AGBL3: variants seen among roughly 807,000 people sequenced by gnomAD.
AGBL3 encodes cytosolic carboxypeptidase 3.
Under a neutral mutation model 94.5 loss-of-function variants are expected in AGBL3, and 68 were observed. The ratio of observed to expected loss-of-function variants is 0.72; its 90% CI spans 0.59 to 0.88. The LOEUF is 0.88. AGBL3 is among the 40% of genes least tolerant of loss of function. The pLI is 0.00. For synonymous variants in AGBL3, 354 were observed against 370.7 expected (o/e 0.95, Z 0.52); for missense variants, 934 against 1,103.8 (o/e 0.85, Z 2.18).
intron 15 of AGBL3, chr7:135,094,652 T>G (rs1229814526): frequency 2.6e-6 from 1 of 390,258 alleles, no homozygotes; most frequent in Non-Finnish European, 5.0e-6. Flanking sequence ...AAGGGCCTAC[T>G]CTCTTAGGGT....
At chr7:135,070,949 G>T (rs1226554236) in intron 12 of AGBL3, among the ~76,000 whole-genome samples, 1 of 151,980 alleles carries the variant, frequency 6.6e-6, no homozygotes, top group African/African-American at 2.4e-5. Flanking sequence ...CCTGTTTGCA[G>T]ATGACATGAT....
At chr7:135,126,435 A>G (rs1827879745) in intron 16 of AGBL3, among the ~76,000 whole-genome samples, 2 of 152,254 alleles carry the variant, frequency 1.3e-5, no homozygotes, top group Non-Finnish European at 2.9e-5. Context: ...GATAGGAAGA[A>G]TCAATATCAT....
chr7:135,105,043 T>A (rs1432012237), intron 15 of AGBL3, among the ~76,000 whole-genome samples: 2 of 151,330 alleles, frequency 1.3e-5, no homozygotes, highest in South Asian at 2.1e-4. Context: ...CTTCCAGGGT[T>A]TTTATAGTTT....
intron 3 of AGBL3, among the ~76,000 whole-genome samples, chr7:134,990,053 C>G (rs898072202): frequency 1.3e-5 from 2 of 152,318 alleles, no homozygotes; most frequent in East Asian, 3.9e-4. Context: ...AGATAACTCA[C>G]TCCTTTAACT....
intron 13 of AGBL3, 139 bp downstream of exon 13, chr7:135,076,607 T>C (rs540895434): frequency 4.8e-5 from 30 of 628,346 alleles, no homozygotes; most frequent in African/African-American, 3.9e-4. Flanking sequence ...CTACTGTTTA[T>C]AAAAACACAA....
At chr7:135,128,523 A>C in intron 16 of AGBL3, 2 of 762,856 alleles carry the variant, frequency 2.6e-6, no homozygotes, top group Admixed American at 1.7e-5. Context: ...TTAGAAAAGC[A>C]GTCTGTCCAA....
chr7:135,003,495 G>T (rs1035781151), intron 4 of AGBL3, among the ~76,000 whole-genome samples: 1 of 151,728 alleles, frequency 6.6e-6, no homozygotes, highest in African/African-American at 2.4e-5. Flanking sequence ...TTTCCTAGTT[G>T]TCCTAAAATA....
chr7:135,023,448 C>T (rs1814734284), intron 5 of AGBL3, among the ~76,000 whole-genome samples: 1 of 152,170 alleles, frequency 6.6e-6, no homozygotes, highest in Non-Finnish European at 1.5e-5. Flanking sequence ...GGACAGCCTA[C>T]TTTTGCTGCA....
At chr7:135,077,940 C>T (rs183969370) in intron 13 of AGBL3, among the ~76,000 whole-genome samples, 1 of 152,272 alleles carries the variant, frequency 6.6e-6, no homozygotes, top group East Asian at 1.9e-4. Flanking sequence ...GCCTGACCAT[C>T]ACCTGATGCC....
chr7:135,115,669 A>C, intron 16 of AGBL3, 58 bp downstream of exon 16: 1 of 1,336,044 alleles, frequency 7.5e-7, no homozygotes, highest in South Asian at 1.5e-5. Context: ...TTAAAAAAGC[A>C]GGGCTTATTA....
chr7:135,124,622 T>C (rs1040072933), intron 16 of AGBL3, among the ~76,000 whole-genome samples: 1 of 152,238 alleles, frequency 6.6e-6, no homozygotes, highest in Non-Finnish European at 1.5e-5. Flanking sequence ...ATGGCACTTA[T>C]TCTAAAACTG....
At chr7:135,030,173 A>G (rs561633671) in intron 5 of AGBL3, among the ~76,000 whole-genome samples, 4,001 of 150,696 alleles carry the variant, frequency 0.027, 111 homozygotes, top group African/African-American at 0.071. Context: ...AAAAAAAAAA[A>G]AAAGAAAGAA....
rs1309158566 is a variant in AGBL3, at chr7:135,034,309, C to A, written c.718C>A (p.Arg240Ser). Reference protein sequence around the residue: ...KPASLYSRGMRPLFYSEKEAK... With the variant: ...KPASLYSRGMSPLFYSEKEAK... ...TGCTAGTCTTTACAGTCGGGGTATG[C>A]GCCCACTGTTCTATTCTGAAAAAGA... is the stretch of plus-strand genomic sequence containing the variant. Residue 240 changes from arginine to serine, a missense_variant, in exon 7 of 17, where the codon CGC (arginine) becomes AGC (serine). Arg to Ser is a moderately radical substitution (Grantham distance 110, BLOSUM62 -1). Transcript: ENST00000436302. 2 of 1,551,730 alleles carry A rather than the reference C, an allele frequency of 1.3e-6. No individual in the cohort carries two copies. Among genetic ancestry groups the A allele is most frequent in the Admixed American group, 2.0e-5 (1 of 50,996 alleles).
intron 2 of AGBL3, 91 bp from the exon 3 acceptor site, chr7:134,989,159 C>T (rs1204101249): frequency 1.2e-6 from 1 of 822,680 alleles, no homozygotes; most frequent in African/African-American, 1.7e-5. Flanking sequence ...GACATATACT[C>T]AATCCCAAGT....
At chr7:135,095,609 G>T (rs61222511) in intron 15 of AGBL3, among the ~76,000 whole-genome samples, 5 of 152,100 alleles carry the variant, frequency 3.3e-5, no homozygotes, top group African/African-American at 4.8e-5. Flanking sequence ...AAATACAAAA[G>T]CCATATGTTA....
At chr7:135,109,044 G>C (rs978035294) in intron 15 of AGBL3, among the ~76,000 whole-genome samples, 23 of 140,434 alleles carry the variant, frequency 1.6e-4, no homozygotes, top group African/African-American at 4.9e-4. Flanking sequence ...AGATCAGTTA[G>C]GTTCTTTTTT....
At chr7:135,005,994 CT>C (rs949443314) in intron 4 of AGBL3, among the ~76,000 whole-genome samples, 3 of 151,764 alleles carry the variant, frequency 2.0e-5, no homozygotes, top group Non-Finnish European at 1.5e-5. Context: ...AATTATAAAT[CT>C]TTTTTAAAAT....
intron 16 of AGBL3, among the ~76,000 whole-genome samples, chr7:135,131,032 G>A (rs1178921962): frequency 6.6e-6 from 1 of 152,128 alleles, no homozygotes; most frequent in Non-Finnish European, 1.5e-5. Flanking sequence ...TGTTTTAGGT[G>A]TGTGTGTCCA....
At chr7:135,047,318 A>C (rs1417689066) in intron 11 of AGBL3, among the ~76,000 whole-genome samples, 4 of 152,008 alleles carry the variant, frequency 2.6e-5, no homozygotes, top group Non-Finnish European at 4.4e-5. Flanking sequence ...TTTCTATATA[A>C]TGGCTATTGT....
Sources: gnomAD v4.1 joint callset for allele counts (sites outside exome capture counted in the v4.1 genomes callset) on GRCh38, gnomAD v4.1.1 for gene constraint, MANE v1.5 for transcripts, NCBI Gene and HGNC (gene_info 2026-07-23, HGNC 2026-07-21) for gene names.